The following DCC variants were observed in gnomAD, a reference collection of about 807,000 sequenced individuals.
DCC encodes netrin receptor DCC.
A neutral mutation model predicts 172.5 loss-of-function variants in DCC; 58 were observed. The observed-to-expected ratio is 0.34, with a 90% CI of 0.27 to 0.42. The LOEUF (loss-of-function observed/expected upper bound fraction) is 0.42, where lower values mean the gene tolerates loss of function less well. Among genes scored for constraint, DCC ranks in the 10% least tolerant of loss-of-function variants. The pLI is 1.00. For missense variants in DCC, 1,740 were observed against 1,791.0 expected (o/e 0.97, Z 0.51); for synonymous variants, 709 against 644.5 (o/e 1.10, Z -1.52).
At chr18:53,223,005 G>A (rs2055966803) in intron 12 of DCC, among the ~76,000 whole-genome samples, 1 of 151,808 alleles carries the variant, frequency 6.6e-6, no homozygotes, top group South Asian at 2.1e-4. Context: ...TAAATTTATG[G>A]AAAGCAGAAG....
At chr18:52,408,622 G>A (rs571440999) in intron 1 of DCC, among the ~76,000 whole-genome samples, 120 of 152,132 alleles carry the variant, frequency 7.9e-4, no homozygotes, top group African/African-American at 2.6e-3. Context: ...CAGTTTGGAT[G>A]TATAGTTTGT....
chr18:53,481,391 A>G (rs2045830029), intron 25 of DCC, among the ~76,000 whole-genome samples: 1 of 152,186 alleles, frequency 6.6e-6, no homozygotes, highest in South Asian at 2.1e-4. Context: ...GCACATATTT[A>G]TGAATCTTAG....
At chr18:53,158,161 A>G (rs932914784) in intron 8 of DCC, among the ~76,000 whole-genome samples, 2 of 152,204 alleles carry the variant, frequency 1.3e-5, no homozygotes, top group African/African-American at 4.8e-5. Context: ...AAATTTAAAA[A>G]AATAATACTT....
At position 52,387,859 on chromosome 18, in the gene DCC, A is replaced by ATT. The variant is rs376299453; in HGVS notation, c.91+46982_91+46983insTT. ...ACATTTTGCTTTGGATAGGAAAATA[A>ATT]TACACATTTATAAAAGTTTAACCAA... On this transcript the variant is annotated intron_variant, in intron 1 of 28. Coordinates refer to ENST00000442544, the MANE Select transcript of DCC (RefSeq NM_005215.4). 4.3e-3 allele frequency among the ~76,000 whole-genome samples: 658 copies of ATT among 152,172 alleles called. 7 individuals are homozygous for ATT. The highest frequency in any genetic ancestry group is 0.014 in the African/African-American group (578 of 41,500).
intron 5 of DCC, among the ~76,000 whole-genome samples, chr18:53,060,852 T>C (rs369697792): frequency 1.4e-4 from 21 of 152,120 alleles, no homozygotes; most frequent in African/African-American, 4.3e-4. Context: ...CATTTGTTTT[T>C]TGAGAAATTC....
chr18:52,718,243 T>G (rs1198306137), intron 1 of DCC, among the ~76,000 whole-genome samples: 2 of 152,200 alleles, frequency 1.3e-5, no homozygotes, highest in African/African-American at 2.4e-5. Context: ...AATTAGTTGA[T>G]TTGATTTAAT....
At chr18:52,947,528 T>C (rs1025428042) in intron 5 of DCC, among the ~76,000 whole-genome samples, 1 of 152,226 alleles carries the variant, frequency 6.6e-6, no homozygotes, top group African/African-American at 2.4e-5. Flanking sequence ...ACTTTTTCAA[T>C]GTAACTGACC....
At chr18:52,682,564 A>G (rs2035766021) in intron 1 of DCC, among the ~76,000 whole-genome samples, 1 of 152,076 alleles carries the variant, frequency 6.6e-6, no homozygotes, top group Non-Finnish European at 1.5e-5. Flanking sequence ...CATTACAGGG[A>G]AGTCATACAT....
chr18:52,851,517 G>C (rs1227083990), intron 2 of DCC, among the ~76,000 whole-genome samples: 1 of 151,952 alleles, frequency 6.6e-6, no homozygotes, highest in African/African-American at 2.4e-5. Context: ...AAAATATTTG[G>C]TTAAAAATCT....
chr18:53,501,768 G>C (rs1385041403), intron 27 of DCC, among the ~76,000 whole-genome samples: 1 of 152,130 alleles, frequency 6.6e-6, no homozygotes, highest in East Asian at 1.9e-4. Context: ...TTTAGTTTGG[G>C]ACACAAGATT....
At chr18:52,962,113 C>A (rs1468420171) in intron 5 of DCC, among the ~76,000 whole-genome samples, 1 of 149,952 alleles carries the variant, frequency 6.7e-6, no homozygotes, top group African/African-American at 2.4e-5. Context: ...CAAATGGGAT[C>A]TAATTAAACT....
intron 2 of DCC, among the ~76,000 whole-genome samples, chr18:52,803,940 GGGATGCA>G (rs1349890974): frequency 2.7e-4 from 41 of 152,192 alleles, no homozygotes; most frequent in African/African-American, 9.6e-4. Context: ...CGTTTTGCTG[GGGATGCA>G]GCACCAGATG....
chr18:52,947,629 T>C (rs1440245841), intron 5 of DCC, among the ~76,000 whole-genome samples: 2 of 152,296 alleles, frequency 1.3e-5, no homozygotes, highest in East Asian at 1.9e-4. Flanking sequence ...ACTCTTTAAA[T>C]GTTTTAGCAT....
At chr18:53,140,441 G>C (rs1289386222) in intron 7 of DCC, among the ~76,000 whole-genome samples, 1 of 152,178 alleles carries the variant, frequency 6.6e-6, no homozygotes, top group Admixed American at 6.5e-5. Flanking sequence ...AACGAATGGA[G>C]TTGGGAGAAT....
At chr18:52,838,236 G>T (rs1167206516) in intron 2 of DCC, among the ~76,000 whole-genome samples, 2 of 152,074 alleles carry the variant, frequency 1.3e-5, no homozygotes, top group Non-Finnish European at 2.9e-5. Flanking sequence ...AGGCTTTAGA[G>T]GGGGTATTAT....
At chr18:52,824,857 C>T (rs1030346596) in intron 2 of DCC, among the ~76,000 whole-genome samples, 1 of 152,018 alleles carries the variant, frequency 6.6e-6, no homozygotes, top group Non-Finnish European at 1.5e-5. Flanking sequence ...GTAATCCCAG[C>T]TACTTGGGAG....
chr18:52,815,772 T>C (rs1430143006), intron 2 of DCC, among the ~76,000 whole-genome samples: 2 of 152,228 alleles, frequency 1.3e-5, no homozygotes, highest in Non-Finnish European at 2.9e-5. Flanking sequence ...ATTAGATAAC[T>C]ATGATATATC....
chr18:53,321,928 C>T (rs2057415807), intron 13 of DCC, 119 bp from the exon 14 acceptor site: 1 of 759,982 alleles, frequency 1.3e-6, no homozygotes, highest in African/African-American at 1.7e-5. Context: ...CCACAACAGT[C>T]ACAAACAATG....
chr18:52,726,255 A>G (rs1463551764), intron 1 of DCC, among the ~76,000 whole-genome samples: 1 of 152,190 alleles, frequency 6.6e-6, no homozygotes, highest in African/African-American at 2.4e-5. Flanking sequence ...GTTCAAATCT[A>G]GATATGCTTG....
Sources: gnomAD v4.1 joint callset for allele counts (sites outside exome capture counted in the v4.1 genomes callset) on GRCh38, gnomAD v4.1.1 for gene constraint, MANE v1.5 for transcripts, NCBI Gene and HGNC (gene_info 2026-07-23, HGNC 2026-07-21) for gene names.